Variants in CD274 observed in about 807,000 individuals in gnomAD.
CD274 encodes the protein programmed cell death 1 ligand 1.
A neutral mutation model predicts 30.1 loss-of-function variants in CD274; 8 were observed. The observed-to-expected ratio is 0.27, with a 90% CI of 0.16 to 0.48. CD274 has a LOEUF of 0.48. Among genes scored for constraint, CD274 ranks in the 20% least tolerant of loss-of-function variants. The probability of loss-of-function intolerance (pLI) is 0.99; values close to 1 mark genes in which losing one functional copy is unlikely to be tolerated. For synonymous variants in CD274, 152 were observed against 124.6 expected, an observed-to-expected ratio of 1.22 and a Z score of -1.46; for missense variants, 353 against 346.6, an observed-to-expected ratio of 1.02 and a Z score of -0.15.
chr9:5,462,465 C>T (rs1377864206), intron 3 of CD274, among the ~76,000 whole-genome samples: 1 of 152,160 alleles, frequency 6.6e-6, no homozygotes, highest in Non-Finnish European at 1.5e-5. Flanking sequence ...AAAGATAATT[C>T]TCTTTAAATT....
At position 5,470,313 on chromosome 9, in the gene CD274, C is replaced by G. The variant is rs1409958713; in HGVS notation, c.*2451C>G. The G allele has an allele frequency of 1.7e-5, 4 of 232,482 alleles. No homozygotes were observed. The highest frequency in any genetic ancestry group is 3.4e-5 in the Non-Finnish European group (4 of 117,640). 14.4% of individuals were successfully genotyped at this position (232,482 alleles called of 1,614,324 possible). A position where few individuals can be genotyped will look rare whatever the true frequency, so the allele number is the denominator to read the frequency against. Reference sequence around the variant, plus strand: ...GAGCAAGGCACATAGTCTACTCAGTCTATTCCTAAGTCCTAACTCCTCCTT... The same window carrying G: ...GAGCAAGGCACATAGTCTACTCAGTGTATTCCTAAGTCCTAACTCCTCCTT... On this transcript the variant is annotated 3_prime_UTR_variant, in exon 7 of 7. Transcript: ENST00000381577.
chr9:5,452,026 CTTT>C (rs71326169), intron 1 of CD274, among the ~76,000 whole-genome samples: 4 of 126,444 alleles, frequency 3.2e-5, no homozygotes, highest in African/African-American at 6.0e-5. Context: ...TTTTTTTTGT[CTTT>C]TTTTTTTTTT....
rs1408351614 is a variant in CD274 at position 5,470,281 on chromosome 9, T to G, written c.*2419T>G. On this transcript the variant is annotated 3_prime_UTR_variant, in exon 7 of 7. Transcript: ENST00000381577. Reference sequence around the variant, plus strand: ...CTTTGTGTGAATTACAGGCAAGAATTGTGGCTGAGCAAGGCACATAGTCTA... The same window carrying G: ...CTTTGTGTGAATTACAGGCAAGAATGGTGGCTGAGCAAGGCACATAGTCTA... 5 of 232,510 alleles carry G rather than the reference T, an allele frequency of 2.2e-5. No individual in the cohort carries two copies. Among genetic ancestry groups the G allele is most frequent in the Non-Finnish European group, 4.2e-5 (5 of 117,690 alleles). 14.4% of individuals were successfully genotyped at this position (232,510 alleles called of 1,614,324 possible).
At chr9:5,452,737 A>G (rs1439240851) in intron 1 of CD274, among the ~76,000 whole-genome samples, 4 of 152,208 alleles carry the variant, frequency 2.6e-5, no homozygotes, top group Non-Finnish European at 5.9e-5. Flanking sequence ...ATCACCCTCC[A>G]GGAAGCCTTT....
chr9:5,452,197 A>C (rs1819218682), intron 1 of CD274, among the ~76,000 whole-genome samples: 1 of 151,660 alleles, frequency 6.6e-6, no homozygotes, highest in South Asian at 2.1e-4. Context: ...TTGTATTTTT[A>C]GTAGAAATGG....
At chr9:5,450,832 A>G (rs1819189740) in intron 1 of CD274, among the ~76,000 whole-genome samples, 1 of 152,210 alleles carries the variant, frequency 6.6e-6, no homozygotes, top group African/African-American at 2.4e-5. Context: ...AAAATAATTT[A>G]TACCTCTAAA....
At chr9:5,461,025 A>T (rs1274463188) in intron 3 of CD274, among the ~76,000 whole-genome samples, 1 of 152,156 alleles carries the variant, frequency 6.6e-6, no homozygotes, top group Non-Finnish European at 1.5e-5. Flanking sequence ...AATAAACAAT[A>T]TTTTCAGTTT....
At chr9:5,452,634 T>G (rs183423732) in intron 1 of CD274, among the ~76,000 whole-genome samples, 9 of 152,338 alleles carry the variant, frequency 5.9e-5, no homozygotes, top group Admixed American at 3.9e-4. Flanking sequence ...ATTCTGCCTT[T>G]TCGTCCCTCA....
At chr9:5,466,907 C>A in intron 6 of CD274, 78 bp downstream of exon 6, 3 of 1,022,676 alleles carry the variant, frequency 2.9e-6, no homozygotes, top group Non-Finnish European at 4.5e-6. Context: ...AGAAATCCAT[C>A]AGTCATAATC....
rs1819563878 is a variant in CD274 at position 5,470,039 on chromosome 9, C to T, written c.*2177C>T. ...TGAATGCCACCAGCTGTCATCACTA[C>T]ACAGCCCTCCTAAGAGGCTTCCTGG... is the stretch of plus-strand genomic sequence containing the variant. On this transcript the variant is annotated 3_prime_UTR_variant, in exon 7 of 7. Transcript: ENST00000381577. 4.3e-6 allele frequency: 1 copy of T among 233,040 alleles called. No homozygotes were observed. The highest frequency in any genetic ancestry group is 8.5e-6 in the Non-Finnish European group (1 of 117,946). 14.4% of individuals were successfully genotyped at this position (233,040 alleles called of 1,614,324 possible). A position where few individuals can be genotyped will look rare whatever the true frequency, so the allele number is the denominator to read the frequency against.
At chr9:5,451,409 T>C (rs1324497331) in intron 1 of CD274, among the ~76,000 whole-genome samples, 4 of 152,256 alleles carry the variant, frequency 2.6e-5, no homozygotes, top group East Asian at 3.8e-4. Flanking sequence ...ACTGAACTCA[T>C]TGCATATATA....
At position 5,469,020 on chromosome 9, in the gene CD274, C is replaced by T. The variant is rs1324724291; in HGVS notation, c.*1158C>T. 4.3e-6 allele frequency: 1 copy of T among 232,924 alleles called. No individual in the cohort carries two copies. Among genetic ancestry groups the T allele is most frequent in the African/African-American group, 2.2e-5 (1 of 45,300 alleles). 14.4% of individuals were successfully genotyped at this position (232,924 alleles called of 1,614,324 possible). ...ATTACAATTTAGTCCAGTGTCATAG[C>T]ATAAGGATGATGCGAGGGGAAAACC... On this transcript the variant is annotated 3_prime_UTR_variant, in exon 7 of 7. Coordinates refer to ENST00000381577, the MANE Select transcript of CD274 (RefSeq NM_014143.4).
At chr9:5,456,273 C>G in intron 2 of CD274, 108 bp downstream of exon 2, 1 of 700,190 alleles carries the variant, frequency 1.4e-6, no homozygotes, top group South Asian at 1.8e-5. Flanking sequence ...ATAGAGAGAA[C>G]ATTCTATTCT....
At position 5,468,401 on chromosome 9, in the gene CD274, T is replaced by C. The variant is rs1819532541; in HGVS notation, c.*539T>C. 4.3e-6 allele frequency: 1 copy of C among 233,582 alleles called. No individual in the cohort carries two copies. Among genetic ancestry groups the C allele is most frequent in the South Asian group, 1.8e-4 (1 of 5,556 alleles). 14.5% of individuals were successfully genotyped at this position (233,582 alleles called of 1,614,324 possible). ...TCTTTTGAAGATATATTGTAGTAGA[T>C]GTTACAATTTTGTCGCCAAACTAAA... On this transcript the variant is annotated 3_prime_UTR_variant, in exon 7 of 7. Transcript: ENST00000381577.
intron 6 of CD274, 74 bp downstream of exon 6, chr9:5,466,903 C>G (rs1819505661): frequency 8.8e-7 from 1 of 1,132,526 alleles, no homozygotes; most frequent in South Asian, 1.3e-5. Flanking sequence ...AAAGAGAAAT[C>G]CATCAGTCAT....
At chr9:5,458,826 T>A (rs150089117) in intron 3 of CD274, among the ~76,000 whole-genome samples, 97 of 152,312 alleles carry the variant, frequency 6.4e-4, no homozygotes, top group Admixed American at 5.8e-3. Context: ...GTTTATACTT[T>A]CAGTTTTTCT....
At chr9:5,455,308 A>C (rs746555311) in intron 1 of CD274, among the ~76,000 whole-genome samples, 3 of 152,174 alleles carry the variant, frequency 2.0e-5, no homozygotes, top group Admixed American at 6.5e-5. Context: ...CGTATTCCTC[A>C]TGCTTAAAAT....
chr9:5,469,185 A>G lies in CD274; in HGVS notation c.*1323A>G. 4.3e-6 allele frequency: 1 copy of G among 233,024 alleles called. No individual in the cohort carries two copies. The highest frequency in any genetic ancestry group is 1.8e-4 in the South Asian group (1 of 5,518). The allele number at this position is 233,024 out of a possible 1,614,324, so 14.4% of individuals were successfully genotyped here. Reference sequence around the variant, plus strand: ...AAATAACCCTGAAAAATAACACTGGAATTCCTTTTCTAGCATTATATTTAT... The same window carrying G: ...AAATAACCCTGAAAAATAACACTGGGATTCCTTTTCTAGCATTATATTTAT... On this transcript the variant is annotated 3_prime_UTR_variant, in exon 7 of 7. Coordinates refer to ENST00000381577, the MANE Select transcript of CD274 (RefSeq NM_014143.4).
At chr9:5,463,809 G>A (rs929387964) in intron 4 of CD274, among the ~76,000 whole-genome samples, 5 of 152,114 alleles carry the variant, frequency 3.3e-5, no homozygotes, top group African/African-American at 2.4e-5. Flanking sequence ...TAGCAACAGT[G>A]TATGAAAATG....
Sources: allele counts gnomAD v4.1 joint callset (sites outside exome capture counted in the v4.1 genomes callset), GRCh38; gene constraint gnomAD v4.1.1; transcripts MANE v1.5; gene names NCBI Gene and HGNC (gene_info 2026-07-23, HGNC 2026-07-21).